MORC1: variants seen among roughly 807,000 people sequenced by gnomAD.
MORC1 encodes MORC family CW-type zinc finger 1.
In MORC1, 59 loss-of-function variants were observed where a neutral mutation model predicts 134.9. The observed-to-expected ratio is 0.44, with a 90% confidence interval of 0.35 to 0.54. The LOEUF (loss-of-function observed/expected upper bound fraction) is 0.54. MORC1 is among the 20% of genes least tolerant of loss of function. MORC1 has a pLI of 0.00. For synonymous variants in MORC1, 395 were observed against 391.7 expected, an observed-to-expected ratio of 1.01 and a Z score of -0.10; for missense variants, 947 against 1,134.5, an observed-to-expected ratio of 0.83 and a Z score of 2.37.
chr3:109,009,058 A>C (rs549036225), intron 17 of MORC1, among the ~76,000 whole-genome samples: 1 of 152,228 alleles, frequency 6.6e-6, no homozygotes, highest in Admixed American at 6.5e-5. Context: ...TTTTTGCTTT[A>C]ATTAAATACA....
At chr3:109,115,328 AACAC>A (rs58831825) in intron 1 of MORC1, among the ~76,000 whole-genome samples, 2,626 of 148,716 alleles carry the variant, frequency 0.018, 45 homozygotes, top group East Asian at 0.034. Context: ...GTATTTTTAA[AACAC>A]ACACACACAC....
chr3:109,059,972 C>T (rs1017802746), intron 11 of MORC1, 102 bp from the exon 12 acceptor site: 1 of 833,298 alleles, frequency 1.2e-6, no homozygotes, highest in Non-Finnish European at 1.9e-6. Context: ...GTAACAATAG[C>T]TCACATTACC....
At chr3:109,071,241 T>TA (rs1042378128) in intron 8 of MORC1, among the ~76,000 whole-genome samples, 2 of 152,108 alleles carry the variant, frequency 1.3e-5, no homozygotes, top group Non-Finnish European at 2.9e-5. Flanking sequence ...CATTTGAAGG[T>TA]AAAAAAGTCA....
intron 1 of MORC1, among the ~76,000 whole-genome samples, chr3:109,117,331 CAAAAAAAA>C (rs202128565): frequency 8.8e-6 from 1 of 113,644 alleles, no homozygotes; most frequent in African/African-American, 3.4e-5. Context: ...CAAAAGATGT[CAAAAAAAA>C]AAAAAAAAAA....
At chr3:109,049,835 G>A (rs773382896) in intron 14 of MORC1, among the ~76,000 whole-genome samples, 15 of 152,144 alleles carry the variant, frequency 9.9e-5, no homozygotes, top group Non-Finnish European at 2.1e-4. Context: ...AGTCAAGGCT[G>A]TTCAGGTTTC....
intron 24 of MORC1, among the ~76,000 whole-genome samples, chr3:108,977,768 C>T (rs954360216): frequency 2.0e-5 from 3 of 152,156 alleles, no homozygotes; most frequent in African/African-American, 7.2e-5. Context: ...TTAAATACCA[C>T]TTCTAGAAAA....
At chr3:108,979,116 A>G (rs773222718) in intron 24 of MORC1, among the ~76,000 whole-genome samples, 2 of 152,210 alleles carry the variant, frequency 1.3e-5, no homozygotes, top group Non-Finnish European at 2.9e-5. Context: ...TTCTACACAG[A>G]ACAAAACAAG....
At chr3:109,039,809 T>C (rs1296807758) in intron 14 of MORC1, among the ~76,000 whole-genome samples, 1 of 152,110 alleles carries the variant, frequency 6.6e-6, no homozygotes, top group Non-Finnish European at 1.5e-5. Context: ...GCCATTTTTG[T>C]TATGCCTCTC....
At chr3:108,993,816 T>C (rs1948128718) in intron 21 of MORC1, among the ~76,000 whole-genome samples, 1 of 152,218 alleles carries the variant, frequency 6.6e-6, no homozygotes, top group Admixed American at 6.5e-5. Context: ...TTTAGGTTAC[T>C]TTGTCACCTT....
chr3:109,046,244 C>A (rs1211586782), intron 14 of MORC1, among the ~76,000 whole-genome samples: 1 of 152,106 alleles, frequency 6.6e-6, no homozygotes, highest in African/African-American at 2.4e-5. Flanking sequence ...TGATGCTGTG[C>A]GTGGAGACTA....
In MORC1 at chr3:108,959,693, A is replaced by G. The variant is rs181588737; in HGVS notation, c.2800-573T>C. On this transcript the variant is annotated intron_variant, in intron 27 of 27. Transcript: ENST00000232603. ...GTTAGACGTATGAGTTGGGTCTTCA[A>G]AAAGTTCATGGAAAATGCATATTAT... is the stretch of plus-strand genomic sequence containing the variant. 2.3e-3 allele frequency among the ~76,000 whole-genome samples: 346 copies of G among 152,312 alleles called. 3 individuals carry two copies. Among genetic ancestry groups the G allele is most frequent in the Admixed American group, 3.9e-3 (59 of 15,278 alleles).
chr3:108,982,746 A>G (rs1947775242), intron 23 of MORC1, among the ~76,000 whole-genome samples: 2 of 145,838 alleles, frequency 1.4e-5, no homozygotes, highest in Admixed American at 1.4e-4. Context: ...AAAAAAGAAG[A>G]AGAAGAAGAA....
In MORC1 at chr3:109,111,276, G is replaced by A. The variant is rs146750880; in HGVS notation, c.120-493C>T. 1.8e-3 allele frequency among the ~76,000 whole-genome samples: 277 copies of A among 152,214 alleles called. 2 individuals are homozygous for A. Among genetic ancestry groups the A allele is most frequent in the African/African-American group, 5.9e-3 (245 of 41,542 alleles). ...AAAACTATAGCCACGGACCAAAATGGCCCATCAACTGTTTGTAAATAAAGT... is the reference window on the plus strand; with the variant it reads ...AAAACTATAGCCACGGACCAAAATGACCCATCAACTGTTTGTAAATAAAGT... On this transcript the variant is annotated intron_variant, in intron 2 of 27. Coordinates refer to ENST00000232603, the MANE Select transcript of MORC1 (RefSeq NM_014429.4).
intron 1 of MORC1, among the ~76,000 whole-genome samples, chr3:109,117,664 A>C (rs1182567642): frequency 6.6e-6 from 1 of 152,238 alleles, no homozygotes; most frequent in African/African-American, 2.4e-5. Context: ...TTTAATGTTT[A>C]AATTGTCAGT....
chr3:109,004,772 A>T, intron 20 of MORC1, 45 bp downstream of exon 20: 1 of 1,538,508 alleles, frequency 6.5e-7, no homozygotes, highest in Non-Finnish European at 8.9e-7. Context: ...TTTATCCTAT[A>T]TGAATATTTC....
intron 8 of MORC1, among the ~76,000 whole-genome samples, chr3:109,082,085 G>A (rs1262545949): frequency 6.6e-6 from 1 of 151,924 alleles, no homozygotes; most frequent in Non-Finnish European, 1.5e-5. Flanking sequence ...CAGGTCCCTT[G>A]GGCACAAACC....
At chr3:108,963,389 G>C (rs1213114687) in intron 27 of MORC1, 25 bp downstream of exon 27, 1 of 1,590,442 alleles carries the variant, frequency 6.3e-7, no homozygotes, top group South Asian at 1.1e-5. Flanking sequence ...TACTCCTACT[G>C]CTCAAATACA....
intron 12 of MORC1, 119 bp from the exon 13 acceptor site, chr3:109,057,605 C>T: frequency 1.1e-6 from 1 of 895,156 alleles, no homozygotes; most frequent in Non-Finnish European, 1.6e-6. Context: ...AAATATTTTG[C>T]AAAACCTGGT....
intron 17 of MORC1, among the ~76,000 whole-genome samples, chr3:109,012,826 A>G (rs1467056966): frequency 6.6e-6 from 1 of 152,186 alleles, no homozygotes; most frequent in Non-Finnish European, 1.5e-5. Flanking sequence ...TGTTTTCTAC[A>G]TAAACTATCA....
Sources: gnomAD v4.1 joint callset for allele counts (sites outside exome capture counted in the v4.1 genomes callset) on GRCh38, gnomAD v4.1.1 for gene constraint, MANE v1.5 for transcripts, NCBI Gene and HGNC (gene_info 2026-07-23, HGNC 2026-07-21) for gene names.